PIK3C2B: variants seen among roughly 807,000 people sequenced by gnomAD.
The protein encoded by PIK3C2B is phosphatidylinositol-4-phosphate 3-kinase catalytic subunit type 2 beta.
PIK3C2B carries 83 observed loss-of-function variants against 184.3 expected under a neutral mutation model. That is an observed-to-expected ratio of 0.45 (90% CI 0.38 to 0.54). The LOEUF (loss-of-function observed/expected upper bound fraction) is 0.54. PIK3C2B is among the 20% of genes least tolerant of loss of function. The pLI, the probability that PIK3C2B is intolerant of heterozygous loss-of-function variation, is 0.00. For synonymous variants in PIK3C2B, 779 were observed against 837.6 expected (o/e 0.93, Z 1.21); for missense variants, 1,736 against 2,113.5 (o/e 0.82, Z 3.50).
At chr1:204,486,162 G>A (rs1434299940) in intron 1 of PIK3C2B, among the ~76,000 whole-genome samples, 2 of 152,056 alleles carry the variant, frequency 1.3e-5, no homozygotes, top group Non-Finnish European at 2.9e-5. Flanking sequence ...TTGGGAGGTC[G>A]AGGCGGGCGG....
At chr1:204,493,174 T>A (rs1658121805) in intron 1 of PIK3C2B, among the ~76,000 whole-genome samples, 1 of 152,194 alleles carries the variant, frequency 6.6e-6, no homozygotes, top group African/African-American at 2.4e-5. Flanking sequence ...AGAGTAAGTT[T>A]TCATTCAGCA....
In PIK3C2B at chr1:204,468,873, G is replaced by A. The variant is rs778189773; in HGVS notation, c.930C>T (p.Ala310=). The stretch of plus-strand genomic sequence containing the variant: ...AGAAACACAAGAAGGTCCTCACCGG[G>A]GCTGCAGAAATCCGGCGGTTCTTGC... The part of the protein sequence containing the change: ...TPGKNRRISA[A]PVGSRPHTVA... Residue 310 remains alanine, a synonymous_variant, in exon 2 of 33, where the codon GCC becomes GCT. Coordinates refer to ENST00000684373, the MANE Select transcript of PIK3C2B (RefSeq NM_001377334.1). 1.3e-6 allele frequency: 2 copies of A among 1,581,052 alleles called. No individual in the cohort carries two copies. Among genetic ancestry groups the A allele is most frequent in the South Asian group, 2.4e-5 (2 of 85,088 alleles).
chr1:204,451,556 T>G (rs1654362636), intron 12 of PIK3C2B, among the ~76,000 whole-genome samples: 1 of 152,140 alleles, frequency 6.6e-6, no homozygotes, highest in Non-Finnish European at 1.5e-5. Context: ...GGCTGCCTCC[T>G]CCAGGAAGGA....
At chr1:204,454,842 C>T in intron 11 of PIK3C2B, 51 bp from the exon 12 acceptor site, 2 of 1,580,638 alleles carry the variant, frequency 1.3e-6, no homozygotes, top group Non-Finnish European at 1.7e-6. Context: ...AAACCAATCA[C>T]CCAAACCTAT....
intron 1 of PIK3C2B, among the ~76,000 whole-genome samples, chr1:204,484,256 G>T (rs965793414): frequency 6.6e-6 from 1 of 152,166 alleles, no homozygotes; most frequent in African/African-American, 2.4e-5. Flanking sequence ...CTTAAATGTG[G>T]ATGTTATCAT....
At chr1:204,440,105 G>T in intron 22 of PIK3C2B, 87 bp downstream of exon 22, 1 of 1,381,018 alleles carries the variant, frequency 7.2e-7, no homozygotes, top group Non-Finnish European at 9.9e-7. Context: ...CTTTCCTGGA[G>T]GAGGACACAG....
Position 204,441,577 on chromosome 1 carries a change from A to G in PIK3C2B, c.3157-14T>C, listed in dbSNP as rs1299253005. 6.3e-7 allele frequency: 1 copy of G among 1,593,884 alleles called. No homozygotes were observed. Among genetic ancestry groups the G allele is most frequent in the Non-Finnish European group, 8.6e-7 (1 of 1,162,422 alleles). ...GTAGGAACAGTCCTGCCATGGTGAA[A>G]AGATAGTGACGAGGGTCAGAGTGGC... On this transcript the variant is annotated splice_polypyrimidine_tract_variant and intron_variant, in intron 20 of 32. Coordinates refer to ENST00000684373, the MANE Select transcript of PIK3C2B (RefSeq NM_001377334.1).
chr1:204,457,182 G>A (rs962014387), intron 9 of PIK3C2B, 112 bp from the exon 10 acceptor site: 4 of 834,926 alleles, frequency 4.8e-6, no homozygotes, highest in Admixed American at 2.5e-5. Context: ...GGGCTGAAAT[G>A]TGAGTAGCTG....
At chr1:204,443,704 C>G in intron 18 of PIK3C2B, 107 bp from the exon 19 acceptor site, 1 of 970,184 alleles carries the variant, frequency 1.0e-6, no homozygotes, top group Non-Finnish European at 1.6e-6. Context: ...AAACCCACCC[C>G]GAACTTGGGA....
intron 30 of PIK3C2B, 135 bp downstream of exon 30, chr1:204,428,004 A>G: frequency 1.5e-6 from 1 of 650,462 alleles, no homozygotes; most frequent in Non-Finnish European, 2.7e-6. Flanking sequence ...GTGGGAAACT[A>G]GATTTCCCAG....
At chr1:204,453,837 G>A (rs886237205) in intron 12 of PIK3C2B, among the ~76,000 whole-genome samples, 100 of 151,176 alleles carry the variant, frequency 6.6e-4, no homozygotes, top group Admixed American at 4.5e-3. Flanking sequence ...GCAATGGCAC[G>A]ATCTCAGCTC....
chr1:204,464,367 T>G, intron 4 of PIK3C2B, 83 bp downstream of exon 4: 2 of 1,310,560 alleles, frequency 1.5e-6, no homozygotes, highest in Non-Finnish European at 1.0e-6. Context: ...GGCCACAAGA[T>G]GAGGTGGAAA....
In PIK3C2B at chr1:204,469,575, G is replaced by A. The variant is rs780448389; in HGVS notation, c.228C>T (p.Thr76=). 1.2e-5 allele frequency: 19 copies of A among 1,593,186 alleles called. No individual in the cohort carries two copies. Among genetic ancestry groups the A allele is most frequent in the African/African-American group, 4.0e-5 (3 of 74,608 alleles). The change falls in exon 2 of 33, where the codon ACC becomes ACT. Residue 76 remains threonine (T), a synonymous_variant. Transcript: ENST00000684373. ...AGAGACCGCGTAACAGCTTGAGGTCGGTCCGCCTTCCTGCTGGCTTGCTGT... is the reference window on the plus strand; with the variant it reads ...AGAGACCGCGTAACAGCTTGAGGTCAGTCCGCCTTCCTGCTGGCTTGCTGT... ...DFYSKPAGRR[T]DLKLLRGLSG...
At position 204,464,494 on chromosome 1, in the gene PIK3C2B, A is replaced by G. The variant is rs1485773261; in HGVS notation, c.1145T>C (p.Val382Ala). The G allele has an allele frequency of 6.2e-7, 1 of 1,614,136 alleles. No homozygotes were observed. The highest frequency in any genetic ancestry group is 8.5e-7 in the Non-Finnish European group (1 of 1,180,006). ...TGCCTCTTGAAGCCTGTCACACAAC[A>G]CAGTCACCTTCAGGTTGACCTCATC... ...LGDEVNLKVTVLCDRLQEALT... is the reference protein window; with the variant it reads ...LGDEVNLKVTALCDRLQEALT... Residue 382 changes from valine (V) to alanine (A), a missense_variant, in exon 4 of 33, where the codon GTG becomes GCG. Physicochemically the swap from Val to Ala is moderately conservative, Grantham distance 64. Around this residue, in one of 8 missense-constraint regions of PIK3C2B, gnomAD observed 609 missense variants for 699.2 expected, o/e 0.87. Transcript: ENST00000684373.
At chr1:204,474,276 C>T (rs541990063) in intron 1 of PIK3C2B, among the ~76,000 whole-genome samples, 1 of 152,226 alleles carries the variant, frequency 6.6e-6, no homozygotes, top group South Asian at 2.1e-4. Flanking sequence ...CAGGCGTGAG[C>T]CACCGTGCCC....
rs1675182338 is a variant in PIK3C2B, at chr1:204,433,498, G to A, written c.3844-73C>T. The A allele has an allele frequency of 9.8e-7, 1 of 1,020,172 alleles. No individual in the cohort carries two copies. The highest frequency in any genetic ancestry group is 1.5e-6 in the Non-Finnish European group (1 of 652,178). The allele number at this position is 1,020,172 out of a possible 1,614,324, so 63.2% of individuals were successfully genotyped here. A position where few individuals can be genotyped will look rare whatever the true frequency, so the allele number is the denominator to read the frequency against. ...ATTCTTGCTGCTTCTCTACCCTTAG[G>A]CAAGGTTTTCTACAGCTAGGCTCCC... is the stretch of plus-strand genomic sequence containing the variant. On this transcript the variant is annotated intron_variant, in intron 25 of 32. Transcript: ENST00000684373. The surrounding 1 kb of genome is among the most constrained non-coding windows in gnomAD (Gnocchi z 5.0).
chr1:204,470,559 G>T (rs1656230823), intron 1 of PIK3C2B, among the ~76,000 whole-genome samples: 1 of 152,178 alleles, frequency 6.6e-6, no homozygotes, highest in Admixed American at 6.5e-5. Context: ...CTACTGGTGG[G>T]GAATGTAAAA....
intron 30 of PIK3C2B, 76 bp downstream of exon 30, chr1:204,428,063 G>A: frequency 9.9e-6 from 8 of 805,358 alleles, no homozygotes; most frequent in African/African-American, 1.7e-5. Context: ...GAACTGAGAA[G>A]AGGTTGGGGC....
chr1:204,491,093 G>T (rs1657972801), intron 1 of PIK3C2B, among the ~76,000 whole-genome samples: 1 of 152,102 alleles, frequency 6.6e-6, no homozygotes, highest in Non-Finnish European at 1.5e-5. Flanking sequence ...AATCCATTAA[G>T]AATGAATTCT....
Sources: gnomAD v4.1 joint callset for allele counts (sites outside exome capture counted in the v4.1 genomes callset) on GRCh38, gnomAD v4.1.1 for gene constraint, gnomAD v4.1.1 regional missense constraint, Gnocchi (gnomAD v3.1) non-coding constraint, MANE v1.5 for transcripts, NCBI Gene and HGNC (gene_info 2026-07-23, HGNC 2026-07-21) for gene names.